CAAP1: variants seen among roughly 807,000 people sequenced by gnomAD.
The protein encoded by CAAP1 is caspase activity and apoptosis inhibitor 1, also known as conserved anti-apoptotic protein.
In CAAP1, 20 loss-of-function variants were observed where a neutral mutation model predicts 34.0. The observed-to-expected ratio is 0.59, with a 90% CI of 0.41 to 0.86. The LOEUF (loss-of-function observed/expected upper bound fraction) is 0.86. Among genes scored for constraint, CAAP1 ranks in the 40% least tolerant of loss-of-function variants. The probability of loss-of-function intolerance (pLI) is 0.00; values close to 1 mark genes in which losing one functional copy is unlikely to be tolerated. For missense variants in CAAP1, 538 were observed against 450.5 expected (o/e 1.19, Z -1.76); for synonymous variants, 213 against 166.7 (o/e 1.28, Z -2.14).
intron 4 of CAAP1, among the ~76,000 whole-genome samples, chr9:26,861,758 G>A (rs999999313): frequency 6.6e-6 from 1 of 152,082 alleles, no homozygotes; most frequent in East Asian, 1.9e-4. Flanking sequence ...AATTATAAAT[G>A]TTCAAATGAG....
intron 5 of CAAP1, among the ~76,000 whole-genome samples, chr9:26,851,169 T>A (rs1213467323): frequency 1.3e-5 from 2 of 152,216 alleles, no homozygotes; most frequent in African/African-American, 2.4e-5. Flanking sequence ...GCTTAATGTA[T>A]GGCATTATAC....
chr9:26,889,062 C>T (rs1319047851), intron 1 of CAAP1, among the ~76,000 whole-genome samples: 1 of 152,180 alleles, frequency 6.6e-6, no homozygotes, highest in Admixed American at 6.5e-5. Flanking sequence ...ACACAAAACA[C>T]CACATATTAT....
At chr9:26,844,242 A>G (rs1187125664) in intron 5 of CAAP1, among the ~76,000 whole-genome samples, 1 of 152,158 alleles carries the variant, frequency 6.6e-6, no homozygotes, top group African/African-American at 2.4e-5. Context: ...CTGTAATCCC[A>G]GCTACTCGGG....
chr9:26,884,840 CCAT>C lies in CAAP1; in HGVS notation c.632_634del (p.Asp211del). On this transcript the variant is annotated inframe_deletion, in exon 4 of 6. Transcript: ENST00000333916. Reference sequence around the variant, plus strand: ...GACTAAATCAGATCCCATCTTAGAACCATCATCTGCTTCCTCTTCCATATCAGA... The same window carrying C: ...GACTAAATCAGATCCCATCTTAGAACCATCTGCTTCCTCTTCCATATCAGA... 6.2e-7 allele frequency: 1 copy of C among 1,609,574 alleles called. No homozygotes were observed. Among genetic ancestry groups the C allele is most frequent in the South Asian group, 1.1e-5 (1 of 90,974 alleles).
At chr9:26,859,567 G>C (rs1822956820) in intron 5 of CAAP1, among the ~76,000 whole-genome samples, 1 of 152,118 alleles carries the variant, frequency 6.6e-6, no homozygotes, top group Admixed American at 6.5e-5. Context: ...AAACAAAGAA[G>C]AAACAGTAGC....
At chr9:26,881,987 G>C (rs1391801191) in intron 4 of CAAP1, among the ~76,000 whole-genome samples, 5 of 152,154 alleles carry the variant, frequency 3.3e-5, no homozygotes, top group African/African-American at 1.2e-4. Flanking sequence ...TTTTGCCCTT[G>C]AGCTAGAGAT....
intron 4 of CAAP1, among the ~76,000 whole-genome samples, chr9:26,861,509 C>T (rs1312110358): frequency 6.6e-6 from 1 of 152,162 alleles, no homozygotes; most frequent in Non-Finnish European, 1.5e-5. Flanking sequence ...AGCATTTTGG[C>T]ACTCAAATTA....
chr9:26,870,725 C>T (rs1303868894), intron 4 of CAAP1, among the ~76,000 whole-genome samples: 2 of 151,520 alleles, frequency 1.3e-5, no homozygotes, highest in African/African-American at 4.8e-5. Context: ...CAGGTGATCC[C>T]CCTGCCTCAG....
intron 5 of CAAP1, among the ~76,000 whole-genome samples, chr9:26,858,469 A>G (rs915196406): frequency 6.6e-6 from 1 of 152,218 alleles, no homozygotes; most frequent in African/African-American, 2.4e-5. Flanking sequence ...AAAACATTTT[A>G]TATTTTAATC....
chr9:26,854,235 C>G (rs939160101), intron 5 of CAAP1, among the ~76,000 whole-genome samples: 1 of 152,126 alleles, frequency 6.6e-6, no homozygotes, highest in Non-Finnish European at 1.5e-5. Context: ...TTAATTCATT[C>G]AATCCTTACA....
chr9:26,863,153 A>T (rs1474782484), intron 4 of CAAP1, among the ~76,000 whole-genome samples: 1 of 152,156 alleles, frequency 6.6e-6, no homozygotes, highest in East Asian at 1.9e-4. Flanking sequence ...CTCTATAAGG[A>T]CTATCTTCTC....
chr9:26,881,274 G>C (rs546157050), intron 4 of CAAP1, among the ~76,000 whole-genome samples: 1 of 152,154 alleles, frequency 6.6e-6, no homozygotes, highest in African/African-American at 2.4e-5. Context: ...ATGCACAGTC[G>C]TTGTTGTAAT....
chr9:26,881,165 G>T (rs1033152497), intron 4 of CAAP1, among the ~76,000 whole-genome samples: 2 of 152,016 alleles, frequency 1.3e-5, no homozygotes, highest in Admixed American at 6.6e-5. Flanking sequence ...GTAGAGACAG[G>T]GTCTCACTAT....
At chr9:26,850,368 G>A (rs1376242642) in intron 5 of CAAP1, among the ~76,000 whole-genome samples, 1 of 152,108 alleles carries the variant, frequency 6.6e-6, no homozygotes, top group Admixed American at 6.5e-5. Flanking sequence ...CAAAAATGTC[G>A]AGATCTTTGA....
At chr9:26,843,289 A>G (rs1320922979) in intron 5 of CAAP1, among the ~76,000 whole-genome samples, 1 of 152,232 alleles carries the variant, frequency 6.6e-6, no homozygotes, top group Non-Finnish European at 1.5e-5. Flanking sequence ...TGCATTTGTT[A>G]TAAAACTTCT....
chr9:26,874,748 C>T (rs1249839701), intron 4 of CAAP1, among the ~76,000 whole-genome samples: 1 of 151,964 alleles, frequency 6.6e-6, no homozygotes, highest in Non-Finnish European at 1.5e-5. Flanking sequence ...TTTCTTGTTA[C>T]TATTGGTAGT....
intron 4 of CAAP1, among the ~76,000 whole-genome samples, chr9:26,865,375 T>TA (rs1823110365): frequency 6.6e-6 from 1 of 151,898 alleles, no homozygotes; most frequent in African/African-American, 2.4e-5. Flanking sequence ...AATACAAAAT[T>TA]AGCCAGGTGT....
At chr9:26,859,605 A>C (rs1302207181) in intron 5 of CAAP1, among the ~76,000 whole-genome samples, 1 of 152,194 alleles carries the variant, frequency 6.6e-6, no homozygotes, top group African/African-American at 2.4e-5. Flanking sequence ...CATGAGGTGT[A>C]ATCTAATTAT....
rs1241729325 is a variant in CAAP1 at position 26,892,669 on chromosome 9, C to T, written c.47G>A (p.Ser16Asn). The change falls in exon 1 of 6, where the codon AGT (serine) becomes AAT (asparagine). Residue 16 changes from serine to asparagine, a missense_variant. Physicochemically the swap from Ser to Asn is conservative, Grantham distance 46. Transcript: ENST00000333916. ...SSREKRRKRS[S>N]QEAAAALAAP... is the part of the protein sequence containing the mutation. ...CGCGAGCGCTGCGGCCGCCTCCTGA[C>T]TGCTACGTTTGCGCCGTTTCTCCCG... The T allele has an allele frequency of 1.2e-6, 2 of 1,606,406 alleles. No homozygotes were observed. Among genetic ancestry groups the T allele is most frequent in the African/African-American group, 1.3e-5 (1 of 74,866 alleles).
Sources: gnomAD v4.1 joint callset for allele counts (sites outside exome capture counted in the v4.1 genomes callset) on GRCh38, gnomAD v4.1.1 for gene constraint, MANE v1.5 for transcripts, NCBI Gene and HGNC (gene_info 2026-07-23, HGNC 2026-07-21) for gene names.